The following KDM4C variants were observed in gnomAD, a reference collection of about 807,000 sequenced individuals.
KDM4C encodes the protein lysine demethylase 4C, also known as lysine-specific demethylase 4C.
In KDM4C, 81 loss-of-function variants were observed where a neutral mutation model predicts 129.3. The ratio of observed to expected loss-of-function variants is 0.63; its 90% CI spans 0.52 to 0.75. KDM4C has a LOEUF of 0.75. KDM4C is among the 30% of genes least tolerant of loss of function. KDM4C has a pLI of 0.00. For missense variants in KDM4C, 1,457 were observed against 1,304.0 expected (o/e 1.12, Z -1.81); for synonymous variants, 573 against 456.1 (o/e 1.26, Z -3.26).
At chr9:6,848,790 C>T (rs972558858) in intron 4 of KDM4C, among the ~76,000 whole-genome samples, 4 of 152,268 alleles carry the variant, frequency 2.6e-5, no homozygotes, top group Admixed American at 1.3e-4. Flanking sequence ...TATTGTTATA[C>T]TGTTATAAAA....
intron 5 of KDM4C, among the ~76,000 whole-genome samples, chr9:6,875,777 C>T (rs1024806345): frequency 1.3e-5 from 2 of 152,222 alleles, no homozygotes; most frequent in South Asian, 2.1e-4. Flanking sequence ...ATTTCTACCC[C>T]CGCTACTTAC....
chr9:6,722,517 AT>A (rs71315551), intron 1 of KDM4C, among the ~76,000 whole-genome samples: 68 of 134,584 alleles, frequency 5.1e-4, no homozygotes, highest in Admixed American at 8.2e-4. Flanking sequence ...ATGTCTATAT[AT>A]TTTTTTTTTT....
intron 17 of KDM4C, among the ~76,000 whole-genome samples, chr9:7,072,643 A>C (rs933080449): frequency 1.3e-5 from 2 of 152,206 alleles, no homozygotes; most frequent in African/African-American, 4.8e-5. Flanking sequence ...ACAAAGGGGC[A>C]CAAAGAATTT....
chr9:7,108,134 T>G (rs1202089416), intron 18 of KDM4C, among the ~76,000 whole-genome samples: 1 of 152,210 alleles, frequency 6.6e-6, no homozygotes, highest in Non-Finnish European at 1.5e-5. Flanking sequence ...GAAACTTGTC[T>G]AGGATCTTGT....
At position 6,808,709 on chromosome 9, in the gene KDM4C, AAG is replaced by A. The variant is rs1189545977; in HGVS notation, c.320+2937_320+2938del. Among the ~76,000 whole-genome samples, 361 of 150,728 alleles carry A rather than the reference AAG, an allele frequency of 2.4e-3. 2 individuals are homozygous for A. The highest frequency in any genetic ancestry group is 8.2e-3 in the African/African-American group (338 of 41,024). Reference sequence around the variant, plus strand: ...TATCAATAAAAAAAAAAAAAAAAAAAAGAAGTGGCACACTGTTACATCTGCCA... The same window carrying A: ...TATCAATAAAAAAAAAAAAAAAAAAAAAGTGGCACACTGTTACATCTGCCA... On this transcript the variant is annotated intron_variant, in intron 3 of 21. Coordinates refer to ENST00000381309, the MANE Select transcript of KDM4C (RefSeq NM_015061.6).
chr9:6,728,780 A>G (rs1361436164), intron 1 of KDM4C, among the ~76,000 whole-genome samples: 1 of 152,108 alleles, frequency 6.6e-6, no homozygotes. Flanking sequence ...CGGGAAGCAG[A>G]GGTTGCAGTG....
chr9:6,768,724 T>C (rs72699629), intron 1 of KDM4C, among the ~76,000 whole-genome samples: 10,005 of 152,176 alleles, frequency 0.066, 492 homozygotes, highest in Non-Finnish European at 0.1. Context: ...GATTTTTTTT[T>C]CCTTGATCTT....
chr9:6,810,653 C>CTGAGGTTGGAGG (rs1830975604), intron 3 of KDM4C, among the ~76,000 whole-genome samples: 1 of 152,070 alleles, frequency 6.6e-6, no homozygotes, highest in Admixed American at 6.6e-5. Context: ...TGGAGAATTG[C>CTGAGGTTGGAGG]TTGAGCCAGG....
intron 8 of KDM4C, chr9:6,925,038 G>A: frequency 8.1e-6 from 8 of 985,288 alleles, no homozygotes; most frequent in Non-Finnish European, 8.4e-6. Context: ...AATGAACCAG[G>A]TGTATAAGAA....
intron 17 of KDM4C, among the ~76,000 whole-genome samples, chr9:7,079,710 C>G (rs919714205): frequency 6.6e-6 from 1 of 152,166 alleles, no homozygotes; most frequent in African/African-American, 2.4e-5. Flanking sequence ...TTCTGTGATT[C>G]TATGTGTTTT....
In KDM4C at chr9:7,127,891, C is replaced by G. The variant is rs966998474; in HGVS notation, c.2611-175C>G. 2.9e-5 allele frequency: 16 copies of G among 547,606 alleles called. No individual in the cohort carries two copies. In the Admixed American group the frequency reaches 4.1e-4, roughly 14 times the overall value. The allele number at this position is 547,606 out of a possible 1,614,324, so 33.9% of individuals were successfully genotyped here. A position where few individuals can be genotyped will look rare whatever the true frequency, so the allele number is the denominator to read the frequency against. On this transcript the variant is annotated intron_variant, in intron 18 of 21. Transcript: ENST00000381309. Reference sequence around the variant, plus strand: ...AACAAGTAGTGTTTATACTATTTGTCTTCTTGCAACTTTTCTGTAAGTTTG... The same window carrying G: ...AACAAGTAGTGTTTATACTATTTGTGTTCTTGCAACTTTTCTGTAAGTTTG...
intron 1 of KDM4C, among the ~76,000 whole-genome samples, chr9:6,747,209 C>A (rs1172194192): frequency 7.4e-6 from 1 of 135,530 alleles, no homozygotes; most frequent in Non-Finnish European, 1.5e-5. Context: ...ACCAAACCAA[C>A]CAACCAACCA....
At chr9:6,936,559 A>G (rs1033059969) in intron 8 of KDM4C, among the ~76,000 whole-genome samples, 1 of 152,220 alleles carries the variant, frequency 6.6e-6, no homozygotes, top group African/African-American at 2.4e-5. Context: ...TTCCCATGAG[A>G]AATCACTCAG....
At chr9:6,857,971 C>G (rs774413442) in intron 5 of KDM4C, among the ~76,000 whole-genome samples, 4 of 139,926 alleles carry the variant, frequency 2.9e-5, no homozygotes, top group Non-Finnish European at 6.0e-5. Context: ...GCTATGTTGC[C>G]CAGGCTGGCC....
intron 1 of KDM4C, among the ~76,000 whole-genome samples, chr9:6,761,228 C>T (rs558674096): frequency 2.2e-4 from 33 of 152,050 alleles, no homozygotes; most frequent in African/African-American, 7.7e-4. Context: ...AGGCTGGTCT[C>T]GAACTCCTGA....
chr9:6,820,298 C>G (rs570819882), intron 4 of KDM4C, among the ~76,000 whole-genome samples: 46 of 152,208 alleles, frequency 3.0e-4, no homozygotes, highest in African/African-American at 1.1e-3. Flanking sequence ...AAGGTGGGAC[C>G]AGAGCTAGGT....
chr9:7,113,956 T>G lies in KDM4C; in HGVS notation c.2610+10086T>G, dbSNP rs79443868. On this transcript the variant is annotated intron_variant, in intron 18 of 21. Coordinates refer to ENST00000381309, the MANE Select transcript of KDM4C (RefSeq NM_015061.6). ...CTTTACTGCTTGCCACTTAGAACCATGCTGAAGTCCCGTTGAGAGACTTAC... is the reference window on the plus strand; with the variant it reads ...CTTTACTGCTTGCCACTTAGAACCAGGCTGAAGTCCCGTTGAGAGACTTAC... 9.9e-3 allele frequency among the ~76,000 whole-genome samples: 1,505 copies of G among 152,222 alleles called. 60 individuals are homozygous for G. The highest frequency in any genetic ancestry group is 0.07 in the Admixed American group (1,076 of 15,270).
intron 4 of KDM4C, among the ~76,000 whole-genome samples, chr9:6,824,183 G>A (rs1833506522): frequency 6.6e-6 from 1 of 152,148 alleles, no homozygotes; most frequent in South Asian, 2.1e-4. Flanking sequence ...GAGGATGAAG[G>A]TTACTTGTAT....
At chr9:7,170,812 C>T in intron 21 of KDM4C, 1 of 971,034 alleles carries the variant, frequency 1.0e-6, no homozygotes, top group Non-Finnish European at 1.2e-6. Flanking sequence ...CAAGGGTTTT[C>T]TTAAATCAGG....
Sources: gnomAD v4.1 joint callset for allele counts (sites outside exome capture counted in the v4.1 genomes callset) on GRCh38, gnomAD v4.1.1 for gene constraint, MANE v1.5 for transcripts, NCBI Gene and HGNC (gene_info 2026-07-23, HGNC 2026-07-21) for gene names.